Variants in AHCYL2 observed in about 807,000 individuals in gnomAD.
AHCYL2 encodes the protein adenosylhomocysteinase like 2, also known as S-adenosylhomocysteine hydrolase-like protein 2.
Under a neutral mutation model 81.4 loss-of-function variants are expected in AHCYL2, and 28 were observed. The observed-to-expected ratio is 0.34, with a 90% confidence interval of 0.25 to 0.47. The LOEUF is 0.47. Among genes scored for constraint, AHCYL2 ranks in the 20% least tolerant of loss-of-function variants. The probability of loss-of-function intolerance (pLI) is 1.00; values close to 1 mark genes in which losing one functional copy is unlikely to be tolerated. For synonymous variants in AHCYL2, 272 were observed against 290.2 expected, an observed-to-expected ratio of 0.94 and a Z score of 0.64; for missense variants, 551 against 785.1, an observed-to-expected ratio of 0.70 and a Z score of 3.56.
intron 1 of AHCYL2, among the ~76,000 whole-genome samples, chr7:129,288,219 T>G (rs1796706780): frequency 6.6e-6 from 1 of 152,312 alleles, no homozygotes; most frequent in Admixed American, 6.5e-5. Flanking sequence ...GTTTTGCAGT[T>G]TTTTGTTGTA....
At chr7:129,335,073 A>G (rs984787601) in intron 1 of AHCYL2, among the ~76,000 whole-genome samples, 7 of 152,224 alleles carry the variant, frequency 4.6e-5, no homozygotes, top group African/African-American at 1.7e-4. Context: ...CTGAAATTCT[A>G]AGGCAGAAAA....
chr7:129,386,719 C>T lies in AHCYL2; in HGVS notation c.476-2337C>T, dbSNP rs185393026. Reference sequence around the variant, plus strand: ...CTTTTTGGTTTTCTTCTGACTCATTCTTAGAAACTAAAGAGGCATAGGAAG... The same window carrying T: ...CTTTTTGGTTTTCTTCTGACTCATTTTTAGAAACTAAAGAGGCATAGGAAG... On this transcript the variant is annotated intron_variant, in intron 2 of 16. Coordinates refer to ENST00000325006, the MANE Select transcript of AHCYL2 (RefSeq NM_015328.4). Among the ~76,000 whole-genome samples, 29 of 152,192 alleles carry T rather than the reference C, an allele frequency of 1.9e-4. No homozygotes were observed. The East Asian group carries it at 5.0e-3, about 26-fold the overall frequency.
At chr7:129,364,917 T>C (rs939525550) in intron 1 of AHCYL2, among the ~76,000 whole-genome samples, 2 of 152,216 alleles carry the variant, frequency 1.3e-5, no homozygotes, top group African/African-American at 4.8e-5. Context: ...CTCATAAATA[T>C]AAAACAGTGT....
At chr7:129,392,758 AT>A (rs1206258560) in intron 4 of AHCYL2, among the ~76,000 whole-genome samples, 1 of 152,224 alleles carries the variant, frequency 6.6e-6, no homozygotes, top group East Asian at 1.9e-4. Context: ...TGTTCTGATA[AT>A]ATTTTTCTAA....
At chr7:129,273,758 G>A (rs1796102836) in intron 1 of AHCYL2, among the ~76,000 whole-genome samples, 1 of 152,158 alleles carries the variant, frequency 6.6e-6, no homozygotes, top group Admixed American at 6.5e-5. Context: ...TCTTAAGTGT[G>A]TTTTCTCACA....
intron 1 of AHCYL2, among the ~76,000 whole-genome samples, chr7:129,285,970 C>T (rs1361653661): frequency 1.3e-5 from 2 of 152,018 alleles, no homozygotes; most frequent in African/African-American, 4.8e-5. Context: ...CCTTGGCCTC[C>T]CTAAGTGCTG....
chr7:129,283,046 C>G (rs1167426827), intron 1 of AHCYL2, among the ~76,000 whole-genome samples: 1 of 152,088 alleles, frequency 6.6e-6, no homozygotes, highest in African/African-American at 2.4e-5. Flanking sequence ...CTCTAGTTTT[C>G]TAAGTAGTTC....
rs1489089306 is a variant in AHCYL2, at chr7:129,225,291, C to T, written c.215C>T (p.Ala72Val). ...VPGPGSGPAAALSPAAGKVPQ... is the reference protein window; with the variant it reads ...VPGPGSGPAAVLSPAAGKVPQ... ...GGCCCGGGCTCGGGGCCCGCCGCCG[C>T]TCTCAGCCCCGCCGCCGGGAAGGTG... Residue 72 changes from alanine (A) to valine (V), a missense_variant, in exon 1 of 17, where the codon GCT becomes GTT. Physicochemically the swap from Ala to Val is moderately conservative, Grantham distance 64. Transcript: ENST00000325006. 6.1e-6 allele frequency: 9 copies of T among 1,470,140 alleles called. No individual in the cohort carries two copies. In the Admixed American group the frequency reaches 2.0e-4, roughly 32 times the overall value. The allele number at this position is 1,470,140 out of a possible 1,614,324, so 91.1% of individuals were successfully genotyped here.
intron 1 of AHCYL2, among the ~76,000 whole-genome samples, chr7:129,338,636 A>T (rs1363903303): frequency 6.6e-6 from 1 of 152,206 alleles, no homozygotes; most frequent in African/African-American, 2.4e-5. Context: ...TTGAAGTTTC[A>T]ATTTACATTT....
At chr7:129,242,573 G>A (rs889838428) in intron 1 of AHCYL2, among the ~76,000 whole-genome samples, 16 of 151,914 alleles carry the variant, frequency 1.1e-4, no homozygotes, top group East Asian at 9.6e-4. Context: ...AAAAATTAGC[G>A]GGGTGTGGTG....
At chr7:129,347,032 C>T (rs951923537) in intron 1 of AHCYL2, among the ~76,000 whole-genome samples, 2 of 152,082 alleles carry the variant, frequency 1.3e-5, no homozygotes, top group African/African-American at 4.8e-5. Flanking sequence ...AGTAAGCCAA[C>T]CTGAAAAGGC....
chr7:129,375,939 T>G (rs1310309469), intron 1 of AHCYL2: 7 of 1,535,984 alleles, frequency 4.6e-6, no homozygotes, highest in Non-Finnish European at 5.2e-6. Flanking sequence ...GAGGCTAAGC[T>G]CTTATTTACC....
At chr7:129,413,291 G>A (rs980045757) in intron 11 of AHCYL2, among the ~76,000 whole-genome samples, 3 of 151,838 alleles carry the variant, frequency 2.0e-5, no homozygotes, top group Non-Finnish European at 2.9e-5. Context: ...AAAGGCACCC[G>A]CCACCACACC....
intron 1 of AHCYL2, among the ~76,000 whole-genome samples, chr7:129,293,459 T>C (rs1397111752): frequency 1.3e-5 from 2 of 152,104 alleles, no homozygotes; most frequent in African/African-American, 2.4e-5. Flanking sequence ...GCGGATCACT[T>C]GAGCCCAGGA....
At chr7:129,283,976 C>T (rs2056694) in intron 1 of AHCYL2, among the ~76,000 whole-genome samples, 37,598 of 152,044 alleles carry the variant, frequency 0.25, 4,714 homozygotes, top group South Asian at 0.37. Context: ...TATCTTTAAA[C>T]CTTTCTACAA....
chr7:129,352,748 A>AG (rs1452408655), intron 1 of AHCYL2, among the ~76,000 whole-genome samples: 1 of 152,092 alleles, frequency 6.6e-6, no homozygotes, highest in Admixed American at 6.5e-5. Flanking sequence ...CTCCTGCATC[A>AG]GGTATCTCAT....
At chr7:129,294,193 G>A (rs1447305231) in intron 1 of AHCYL2, among the ~76,000 whole-genome samples, 1 of 152,096 alleles carries the variant, frequency 6.6e-6, no homozygotes, top group Non-Finnish European at 1.5e-5. Flanking sequence ...TATTTATTTG[G>A]ACACATTTGC....
intron 1 of AHCYL2, among the ~76,000 whole-genome samples, chr7:129,330,868 CATAG>C (rs1482179008): frequency 5.9e-5 from 9 of 152,084 alleles, no homozygotes; most frequent in African/African-American, 1.9e-4. Flanking sequence ...TCTATGAACT[CATAG>C]ATAAAGGTCT....
intron 1 of AHCYL2, among the ~76,000 whole-genome samples, chr7:129,361,587 T>C (rs183769061): frequency 1.1e-4 from 17 of 152,298 alleles, no homozygotes; most frequent in African/African-American, 3.8e-4. Flanking sequence ...GAGAGAAGGA[T>C]GTACATGCTG....
Sources: allele counts gnomAD v4.1 joint callset (sites outside exome capture counted in the v4.1 genomes callset), GRCh38; gene constraint gnomAD v4.1.1; transcripts MANE v1.5; gene names NCBI Gene and HGNC (gene_info 2026-07-23, HGNC 2026-07-21).